SLC4A10: variants seen among roughly 807,000 people sequenced by gnomAD.
SLC4A10 encodes the protein sodium-driven chloride bicarbonate exchanger.
In SLC4A10, 42 loss-of-function variants were observed where a neutral mutation model predicts 137.7. That is an observed-to-expected ratio of 0.30 (90% CI 0.24 to 0.39). SLC4A10 has a LOEUF of 0.39. SLC4A10 is among the 10% of genes least tolerant of loss of function. SLC4A10 has a pLI of 1.00. For synonymous variants in SLC4A10, 474 were observed against 464.1 expected (o/e 1.02, Z -0.27); for missense variants, 925 against 1,355.0 (o/e 0.68, Z 4.98).
At chr2:161,915,038 C>T (rs565608707) in intron 15 of SLC4A10, among the ~76,000 whole-genome samples, 2 of 152,148 alleles carry the variant, frequency 1.3e-5, no homozygotes, top group Admixed American at 6.5e-5. Flanking sequence ...TCAAATGTTG[C>T]CTTTTCCAAA....
chr2:161,922,619 A>G (rs1368554032), intron 15 of SLC4A10, among the ~76,000 whole-genome samples: 1 of 152,204 alleles, frequency 6.6e-6, no homozygotes, highest in Admixed American at 6.5e-5. Context: ...TCATAAAAAC[A>G]TGTTGAAAAT....
chr2:161,898,245 A>G (rs1365436648), intron 11 of SLC4A10, among the ~76,000 whole-genome samples: 4 of 152,140 alleles, frequency 2.6e-5, no homozygotes, highest in Non-Finnish European at 5.9e-5. Context: ...AGTAAGCATT[A>G]GAAATGTTGC....
At chr2:161,650,411 G>A (rs1313391988) in intron 1 of SLC4A10, among the ~76,000 whole-genome samples, 1 of 152,254 alleles carries the variant, frequency 6.6e-6, no homozygotes, top group Non-Finnish European at 1.5e-5. Context: ...CTGCAGCGGC[G>A]GAGGCCTGGC....
chr2:161,934,983 G>A (rs1291150864), intron 15 of SLC4A10, among the ~76,000 whole-genome samples: 1 of 151,802 alleles, frequency 6.6e-6, no homozygotes, highest in Admixed American at 6.6e-5. Context: ...TGTGATTTGG[G>A]GTTAAATCCA....
At chr2:161,819,845 C>T (rs1285220225) in intron 3 of SLC4A10, among the ~76,000 whole-genome samples, 1 of 152,142 alleles carries the variant, frequency 6.6e-6, no homozygotes, top group African/African-American at 2.4e-5. Context: ...TAATTTGAAA[C>T]TATATTTTCA....
At chr2:161,712,947 C>T (rs927825548) in intron 1 of SLC4A10, among the ~76,000 whole-genome samples, 3 of 151,832 alleles carry the variant, frequency 2.0e-5, no homozygotes, top group Non-Finnish European at 4.4e-5. Flanking sequence ...GTCTGTAGGT[C>T]TCTGCCTTCA....
At position 161,701,151 on chromosome 2, in the gene SLC4A10, G is replaced by A. The variant is rs533438759; in HGVS notation, c.49-69822G>A. Among the ~76,000 whole-genome samples, 4 of 152,042 alleles carry A rather than the reference G, an allele frequency of 2.6e-5. No individual in the cohort carries two copies. In the South Asian group the frequency reaches 6.2e-4, roughly 24 times the overall value. On this transcript the variant is annotated intron_variant, in intron 1 of 26. Coordinates refer to ENST00000446997, the MANE Select transcript of SLC4A10 (RefSeq NM_001178015.2). ...TATACAGATCCCAAGGGCAAAACCA[G>A]GATTTGAAATTGGTAGTGTGCCTCC...
intron 1 of SLC4A10, among the ~76,000 whole-genome samples, chr2:161,764,734 C>T (rs114656665): frequency 0.021 from 3,164 of 152,038 alleles, 50 homozygotes; most frequent in Middle Eastern, 0.037. Flanking sequence ...CAATGAAATG[C>T]GGTGGCCCAT....
At chr2:161,901,722 C>T (rs892771829) in intron 12 of SLC4A10, among the ~76,000 whole-genome samples, 1 of 152,074 alleles carries the variant, frequency 6.6e-6, no homozygotes, top group Admixed American at 6.6e-5. Context: ...TCTAAGCTGA[C>T]TTTCCAGTTC....
At chr2:161,901,051 T>G (rs1682992191) in intron 12 of SLC4A10, 40 bp downstream of exon 12, 1 of 1,375,898 alleles carries the variant, frequency 7.3e-7, no homozygotes, top group African/African-American at 1.4e-5. Flanking sequence ...AAGGACCAAA[T>G]GACATACCAT....
chr2:161,656,859 A>G (rs2037609589), intron 1 of SLC4A10, among the ~76,000 whole-genome samples: 1 of 152,072 alleles, frequency 6.6e-6, no homozygotes, highest in Admixed American at 6.5e-5. Context: ...TGTTTATTTC[A>G]TTTGATTTTA....
chr2:161,966,710 C>G (rs2105924105), intron 23 of SLC4A10, among the ~76,000 whole-genome samples: 1 of 149,782 alleles, frequency 6.7e-6, no homozygotes, highest in Admixed American at 6.7e-5. Flanking sequence ...GCACTCCAGC[C>G]TGGTGACAGA....
At chr2:161,624,617 T>G in intron 1 of SLC4A10, 51 bp downstream of exon 1, 1 of 1,550,650 alleles carries the variant, frequency 6.4e-7, no homozygotes, top group East Asian at 2.4e-5. Flanking sequence ...CTGCAAAACC[T>G]GTTAGGCAAG....
intron 4 of SLC4A10, among the ~76,000 whole-genome samples, chr2:161,844,380 A>G (rs1205767104): frequency 6.6e-6 from 1 of 152,196 alleles, no homozygotes; most frequent in Non-Finnish European, 1.5e-5. Context: ...GTTAATGTCT[A>G]TAAACACTAG....
At chr2:161,895,364 A>C (rs551361875) in intron 11 of SLC4A10, among the ~76,000 whole-genome samples, 3 of 152,144 alleles carry the variant, frequency 2.0e-5, no homozygotes, top group Non-Finnish European at 2.9e-5. Context: ...ATAGTGCCGC[A>C]ATAAACATAC....
chr2:161,910,790 T>C (rs1685643540), intron 15 of SLC4A10, among the ~76,000 whole-genome samples: 1 of 152,012 alleles, frequency 6.6e-6, no homozygotes, highest in Non-Finnish European at 1.5e-5. Context: ...AAAGTAGTGA[T>C]CTGTTTTGAA....
intron 1 of SLC4A10, among the ~76,000 whole-genome samples, chr2:161,762,218 TTGTATTATCA>T (rs1226353170): frequency 6.6e-6 from 1 of 152,138 alleles, no homozygotes; most frequent in Non-Finnish European, 1.5e-5. Flanking sequence ...CAGATTTAAC[TTGTATTATCA>T]TGAGATGGTA....
At chr2:161,774,622 A>G (rs959784655) in intron 2 of SLC4A10, among the ~76,000 whole-genome samples, 1 of 151,846 alleles carries the variant, frequency 6.6e-6, no homozygotes, top group African/African-American at 2.4e-5. Flanking sequence ...GTACAACTCA[A>G]TGAGTACATG....
rs533430219 is a variant in SLC4A10, at chr2:161,658,880, C to T, written c.48+34314C>T. 1.1e-4 allele frequency among the ~76,000 whole-genome samples: 16 copies of T among 152,072 alleles called. No individual in the cohort carries two copies. In the Middle Eastern group the frequency reaches 0.01, roughly 97 times the overall value. On this transcript the variant is annotated intron_variant, in intron 1 of 26. Coordinates refer to ENST00000446997, the MANE Select transcript of SLC4A10 (RefSeq NM_001178015.2). ...CGCCAGGATTACAGGCATGAGCCAC[C>T]GAGCCTGGCCAGTTTTGTATTTCTT...
Sources: allele counts gnomAD v4.1 joint callset (sites outside exome capture counted in the v4.1 genomes callset), GRCh38; gene constraint gnomAD v4.1.1; transcripts MANE v1.5; gene names NCBI Gene and HGNC (gene_info 2026-07-23, HGNC 2026-07-21).